TBCE: variants seen among roughly 807,000 people sequenced by gnomAD.
TBCE encodes the protein tubulin-specific chaperone E.
In TBCE, 53 loss-of-function variants were observed where a neutral mutation model predicts 77.0. That is an observed-to-expected ratio of 0.69 (90% CI 0.55 to 0.87). The LOEUF is 0.87. Among genes scored for constraint, TBCE ranks in the 40% least tolerant of loss-of-function variants. TBCE has a pLI of 0.00. For synonymous variants in TBCE, 235 were observed against 241.3 expected (o/e 0.97, Z 0.24); for missense variants, 624 against 622.4 (o/e 1.00, Z -0.03).
intron 1 of TBCE, among the ~76,000 whole-genome samples, chr1:235,369,543 T>C (rs6429043): frequency 0.72 from 109,372 of 151,126 alleles, 40,834 homozygotes; most frequent in African/African-American, 0.92. Flanking sequence ...AAAAACTGGC[T>C]GGGCGCAGTG....
rs770360751 is a variant in TBCE, at chr1:235,435,828, C to T, written c.821C>T (p.Ala274Val). Residue 274 changes from alanine (A) to valine (V), a missense_variant, in exon 9 of 17, where the codon GCC becomes GTC. Ala to Val is a moderately conservative substitution (Grantham distance 64). Transcript: ENST00000642610. ...GATGAAAATCAGCTGTATCTGATAG[C>T]CCACCTGCCCAGGTAATTTGCCCCT... ...LIDENQLYLI[A>V]HLPRLEQLIL... is the part of the protein sequence containing the mutation. 6.2e-7 allele frequency: 1 copy of T among 1,613,946 alleles called. No homozygotes were observed. Among genetic ancestry groups the T allele is most frequent in the South Asian group, 1.1e-5 (1 of 91,080 alleles).
rs1679116926 is a variant in TBCE at position 235,401,739 on chromosome 1, G to GA, written c.185+152_185+153insA. On this transcript the variant is annotated intron_variant, in intron 3 of 16. Coordinates refer to ENST00000642610, the MANE Select transcript of TBCE (RefSeq NM_003193.5). ...CCAAAAAGGCAGTTATTTTATTTGT[G>GA]GCTTAATTGCTGCTGTTTGTAGCAT... The GA allele has an allele frequency of 4.2e-6, 3 of 708,678 alleles. No homozygotes were observed. In the Admixed American group the frequency reaches 6.7e-5, roughly 16 times the overall value. The allele number at this position is 708,678 out of a possible 1,614,324, so 43.9% of individuals were successfully genotyped here. A position where few individuals can be genotyped will look rare whatever the true frequency, so the allele number is the denominator to read the frequency against.
At position 235,378,549 on chromosome 1, in the gene TBCE, A is replaced by G. The variant is rs138772520; in HGVS notation, c.-31-1470A>G. On this transcript the variant is annotated intron_variant, in intron 1 of 16. Transcript: ENST00000642610. ...AACACTGCTAGCTTTTTAAAACAGAAAGTGAGTTTTATTTAGGCCGGCCGC... is the reference window on the plus strand; with the variant it reads ...AACACTGCTAGCTTTTTAAAACAGAGAGTGAGTTTTATTTAGGCCGGCCGC... 5.5e-3 allele frequency among the ~76,000 whole-genome samples: 832 copies of G among 152,208 alleles called. 8 individuals are homozygous for G. Among genetic ancestry groups the G allele is most frequent in the African/African-American group, 0.019 (809 of 41,542 alleles).
At chr1:235,369,915 C>T (rs1210097583) in intron 1 of TBCE, among the ~76,000 whole-genome samples, 2 of 151,940 alleles carry the variant, frequency 1.3e-5, no homozygotes, top group Non-Finnish European at 2.9e-5. Context: ...CACTGCTGAT[C>T]TCATGTCGTT....
chr1:235,448,200 GT>G, intron 15 of TBCE, 148 bp from the exon 16 acceptor site: 4 of 668,654 alleles, frequency 6.0e-6, no homozygotes, highest in Admixed American at 2.5e-5. Context: ...ACTTACTTAA[GT>G]AAGTAAGTAA....
intron 5 of TBCE, among the ~76,000 whole-genome samples, chr1:235,423,284 G>A (rs769518576): frequency 2.0e-5 from 3 of 152,066 alleles, no homozygotes; most frequent in Admixed American, 6.6e-5. Context: ...GTGCTTTCAC[G>A]GGGGCTCCTT....
intron 2 of TBCE, among the ~76,000 whole-genome samples, chr1:235,380,933 G>T (rs1297723062): frequency 6.6e-6 from 1 of 152,084 alleles, no homozygotes; most frequent in African/African-American, 2.4e-5. Flanking sequence ...TTTCAGGCAT[G>T]TGCCACCACA....
chr1:235,407,627 G>A (rs1037341127), intron 3 of TBCE, among the ~76,000 whole-genome samples: 1 of 152,186 alleles, frequency 6.6e-6, no homozygotes. Flanking sequence ...AGCAGGTGTT[G>A]TGTGCCCCGA....
chr1:235,390,867 A>G (rs867870276), intron 2 of TBCE, among the ~76,000 whole-genome samples: 1 of 152,194 alleles, frequency 6.6e-6, no homozygotes, highest in Middle Eastern at 3.4e-3. Flanking sequence ...GAAGAGGGTC[A>G]TGAGCTAAGG....
At chr1:235,439,525 T>C (rs945872501) in intron 13 of TBCE, among the ~76,000 whole-genome samples, 1 of 151,430 alleles carries the variant, frequency 6.6e-6, no homozygotes, top group African/African-American at 2.4e-5. Context: ...GGAGTCTTGC[T>C]CTGTCGCCCA....
chr1:235,451,772 G>A lies in TBCE; in HGVS notation c.*3010G>A, dbSNP rs149389133. The A allele has an allele frequency of 1.2e-4, 19 of 152,262 alleles. No individual in the cohort carries two copies. The highest frequency in any genetic ancestry group is 2.1e-4 in the South Asian group (1 of 4,830). 9.4% of individuals were successfully genotyped at this position (152,262 alleles called of 1,614,324 possible). On this transcript the variant is annotated 3_prime_UTR_variant, in exon 17 of 17. Transcript: ENST00000642610. ...TGTGCCTTCTGTCCCCTGCACCTTCGATGGCCAAAGTGGAAGCTGCAAGAA... is the reference window on the plus strand; with the variant it reads ...TGTGCCTTCTGTCCCCTGCACCTTCAATGGCCAAAGTGGAAGCTGCAAGAA...
intron 3 of TBCE, among the ~76,000 whole-genome samples, chr1:235,403,108 A>G (rs1276912905): frequency 6.6e-6 from 1 of 152,230 alleles, no homozygotes; most frequent in Non-Finnish European, 1.5e-5. Flanking sequence ...GAATTTGTTC[A>G]GAGCTGTTCA....
chr1:235,399,306 T>G (rs1678941406), intron 2 of TBCE, among the ~76,000 whole-genome samples: 1 of 152,188 alleles, frequency 6.6e-6, no homozygotes, highest in Admixed American at 6.5e-5. Flanking sequence ...GTTGTGGTGG[T>G]ATGATATATA....
At chr1:235,421,563 C>A (rs1401649355) in intron 5 of TBCE, among the ~76,000 whole-genome samples, 1 of 151,980 alleles carries the variant, frequency 6.6e-6, no homozygotes, top group Non-Finnish European at 1.5e-5. Context: ...CAAAAATTAG[C>A]CAGGCATGGT....
At chr1:235,393,815 CATGAT>C (rs1371119455) in intron 2 of TBCE, among the ~76,000 whole-genome samples, 2 of 152,210 alleles carry the variant, frequency 1.3e-5, no homozygotes, top group East Asian at 1.9e-4. Flanking sequence ...ATGGTAATGA[CATGAT>C]ATGTTTTCAT....
At chr1:235,442,749 C>T in intron 14 of TBCE, 103 bp from the exon 15 acceptor site, 1 of 1,093,150 alleles carries the variant, frequency 9.1e-7, no homozygotes, top group East Asian at 2.6e-5. Flanking sequence ...TGCCAATTTG[C>T]ACTGAATACC....
Position 235,443,091 on chromosome 1 carries a change from C to G in TBCE, c.1399+180C>G, listed in dbSNP as rs886323993. ...ATGCTAATATCACTCCCCCATGCCCCCAAAAGTTCAGGTCTCCCCTAACTT... is the reference window on the plus strand; with the variant it reads ...ATGCTAATATCACTCCCCCATGCCCGCAAAAGTTCAGGTCTCCCCTAACTT... On this transcript the variant is annotated intron_variant, in intron 15 of 16. Transcript: ENST00000642610. The G allele has an allele frequency of 1.5e-5, 10 of 658,100 alleles. No homozygotes were observed. The African/African-American group carries it at 1.8e-4, about 12-fold the overall frequency. The allele number at this position is 658,100 out of a possible 1,614,324, so 40.8% of individuals were successfully genotyped here. A position where few individuals can be genotyped will look rare whatever the true frequency, so the allele number is the denominator to read the frequency against.
intron 13 of TBCE, chr1:235,441,356 G>A (rs1162819777): frequency 8.4e-6 from 2 of 237,272 alleles, no homozygotes; most frequent in Non-Finnish European, 1.7e-5. Flanking sequence ...GTGGAAACGT[G>A]AGAAGTGTCC....
chr1:235,440,243 T>TA (rs1327936492), intron 13 of TBCE, among the ~76,000 whole-genome samples: 2 of 152,210 alleles, frequency 1.3e-5, no homozygotes, highest in Non-Finnish European at 2.9e-5. Context: ...GTGCTGGGAT[T>TA]ACAGGCGTGA....
Sources: gnomAD v4.1 joint callset for allele counts (sites outside exome capture counted in the v4.1 genomes callset) on GRCh38, gnomAD v4.1.1 for gene constraint, MANE v1.5 for transcripts, NCBI Gene and HGNC (gene_info 2026-07-23, HGNC 2026-07-21) for gene names.